The following NIBAN1 variants were observed in gnomAD, a reference collection of about 807,000 sequenced individuals.
The protein encoded by NIBAN1 is niban apoptosis regulator 1.
NIBAN1 carries 81 observed loss-of-function variants against 75.1 expected under a neutral mutation model. The ratio of observed to expected loss-of-function variants is 1.08; its 90% CI spans 0.90 to 1.30. The LOEUF (loss-of-function observed/expected upper bound fraction) is 1.30. Ranked by LOEUF, NIBAN1 falls within the 50% of genes most tolerant of loss-of-function variation. The pLI is 0.00. For missense variants in NIBAN1, 1,133 were observed against 1,128.1 expected, an observed-to-expected ratio of 1.00 and a Z score of -0.06; for synonymous variants, 436 against 424.8, an observed-to-expected ratio of 1.03 and a Z score of -0.32.
chr1:184,878,130 T>A (rs1254048869), intron 5 of NIBAN1, among the ~76,000 whole-genome samples: 8 of 152,156 alleles, frequency 5.3e-5, no homozygotes, highest in Admixed American at 5.2e-4. Flanking sequence ...TTAAATGTAG[T>A]TCTTGGCAAC....
chr1:184,948,372 A>G (rs1197421987), intron 1 of NIBAN1, among the ~76,000 whole-genome samples: 2 of 152,236 alleles, frequency 1.3e-5, no homozygotes, highest in Non-Finnish European at 2.9e-5. Flanking sequence ...AAAATGAATA[A>G]GATAAAACTT....
At chr1:184,843,923 G>A (rs1047541949) in intron 5 of NIBAN1, among the ~76,000 whole-genome samples, 22 of 152,178 alleles carry the variant, frequency 1.4e-4, no homozygotes, top group African/African-American at 4.3e-4. Flanking sequence ...ACTGGGTCAC[G>A]TGCCTCTCAG....
chr1:184,910,843 G>C (rs2102004550), intron 1 of NIBAN1, among the ~76,000 whole-genome samples: 1 of 152,242 alleles, frequency 6.6e-6, no homozygotes, highest in South Asian at 2.1e-4. Flanking sequence ...AAAAGCCTGA[G>C]TAAGACGAAA....
At chr1:184,947,634 T>A (rs1041863314) in intron 1 of NIBAN1, among the ~76,000 whole-genome samples, 3 of 152,170 alleles carry the variant, frequency 2.0e-5, no homozygotes, top group African/African-American at 7.2e-5. Flanking sequence ...GAACCCCCCT[T>A]CCTATACAGA....
At chr1:184,837,214 A>G (rs922580898) in intron 5 of NIBAN1, among the ~76,000 whole-genome samples, 5 of 152,192 alleles carry the variant, frequency 3.3e-5, no homozygotes, top group Non-Finnish European at 5.9e-5. Flanking sequence ...GCAAATTGAG[A>G]GTTTCGTTCT....
chr1:184,884,613 A>T lies in NIBAN1; in HGVS notation c.601+20T>A, dbSNP rs1181584438. ...TGCCCCACTTCCCGCCCCGGGGATG[A>T]GAGGGGAGCCGCGCCATACCATGAT... is the stretch of plus-strand genomic sequence containing the variant. On this transcript the variant is annotated intron_variant, in intron 5 of 13. Transcript: ENST00000367511. 2 of 1,612,518 alleles carry T rather than the reference A, an allele frequency of 1.2e-6. No individual in the cohort carries two copies. Among genetic ancestry groups the T allele is most frequent in the Non-Finnish European group, 1.7e-6 (2 of 1,178,820 alleles).
rs770285904 is a variant in NIBAN1, at chr1:184,823,341, A to G, written c.823-12T>C. On this transcript the variant is annotated splice_polypyrimidine_tract_variant and intron_variant, in intron 7 of 13. Coordinates refer to ENST00000367511, the MANE Select transcript of NIBAN1 (RefSeq NM_052966.4). ...GCCTCCTCGAGGAGCTGCAACAAGG[A>G]ATAACACATAAATCAGGGCTCTGTC... The G allele has an allele frequency of 1.5e-5, 24 of 1,613,762 alleles. No individual in the cohort carries two copies. The highest frequency in any genetic ancestry group is 2.0e-5 in the Non-Finnish European group (24 of 1,179,842).
At chr1:184,870,258 A>C (rs912214665) in intron 5 of NIBAN1, among the ~76,000 whole-genome samples, 5 of 152,236 alleles carry the variant, frequency 3.3e-5, no homozygotes, top group African/African-American at 1.2e-4. Flanking sequence ...CAGAGCTAAG[A>C]GCTAATCCTT....
intron 1 of NIBAN1, among the ~76,000 whole-genome samples, chr1:184,936,210 C>T (rs1657956490): frequency 6.6e-6 from 1 of 152,026 alleles, no homozygotes; most frequent in African/African-American, 2.4e-5. Context: ...TCTGCTTGGA[C>T]TATGATAGAT....
intron 1 of NIBAN1, among the ~76,000 whole-genome samples, chr1:184,952,753 A>G (rs2102066167): frequency 6.6e-6 from 1 of 152,262 alleles, no homozygotes; most frequent in African/African-American, 2.4e-5. Flanking sequence ...TTTTTTTGAA[A>G]AGACTTAATC....
rs1348383813 is a variant in NIBAN1, at chr1:184,795,932, C to T, written c.1832G>A (p.Ser611Asn). 32 of 1,614,102 alleles carry T rather than the reference C, an allele frequency of 2.0e-5. No individual in the cohort carries two copies. The highest frequency in any genetic ancestry group is 2.7e-5 in the Non-Finnish European group (32 of 1,180,040). Residue 611 changes from serine (S) to asparagine (N), a missense_variant, in exon 14 of 14, where the codon AGT becomes AAT. Ser to Asn is a conservative substitution (Grantham distance 46, BLOSUM62 1). Transcript: ENST00000367511. ...GAATACTTCGTTACTGAGGGTCTCACTACCCAGAACTCCTGGCAGAATGGC... is the reference window on the plus strand; with the variant it reads ...GAATACTTCGTTACTGAGGGTCTCATTACCCAGAACTCCTGGCAGAATGGC... ...ASAILPGVLG[S>N]ETLSNEVFQE...
intron 12 of NIBAN1, among the ~76,000 whole-genome samples, chr1:184,800,807 T>C (rs1654017708): frequency 6.6e-6 from 1 of 152,202 alleles, no homozygotes; most frequent in Non-Finnish European, 1.5e-5. Flanking sequence ...GTGAAGTTGT[T>C]GGGTCATAGG....
intron 1 of NIBAN1, among the ~76,000 whole-genome samples, chr1:184,932,053 A>G (rs905430149): frequency 7.9e-5 from 12 of 152,174 alleles, no homozygotes; most frequent in Non-Finnish European, 1.0e-4. Flanking sequence ...GCATCTAATT[A>G]TAAAACGAGT....
intron 9 of NIBAN1, among the ~76,000 whole-genome samples, chr1:184,818,222 G>A (rs1654592345): frequency 6.6e-6 from 1 of 152,000 alleles, no homozygotes; most frequent in South Asian, 2.1e-4. Context: ...ATACTTGTAT[G>A]AATAAATAAA....
chr1:184,872,298 G>A (rs2102289530), intron 5 of NIBAN1, among the ~76,000 whole-genome samples: 1 of 151,850 alleles, frequency 6.6e-6, no homozygotes, highest in East Asian at 1.9e-4. Flanking sequence ...CGTAGATAAG[G>A]TTAGTAATGG....
At chr1:184,957,647 T>C (rs571875351) in intron 1 of NIBAN1, among the ~76,000 whole-genome samples, 20 of 152,328 alleles carry the variant, frequency 1.3e-4, no homozygotes, top group Admixed American at 1.2e-3. Context: ...GTGAGAATTA[T>C]ATCACATTTA....
intron 9 of NIBAN1, 26 bp downstream of exon 9, chr1:184,818,612 C>G (rs147651682): frequency 6.5e-7 from 1 of 1,542,900 alleles, no homozygotes; most frequent in East Asian, 2.3e-5. Context: ...ACCATTCACA[C>G]CCAGCTCCTC....
chr1:184,823,533 C>T, intron 7 of NIBAN1, 105 bp downstream of exon 7: 1 of 1,344,700 alleles, frequency 7.4e-7, no homozygotes, highest in African/African-American at 1.4e-5. Flanking sequence ...CATTTCTACA[C>T]CCAGGGAAGG....
chr1:184,879,662 A>G (rs1464537962), intron 5 of NIBAN1, among the ~76,000 whole-genome samples: 1 of 152,208 alleles, frequency 6.6e-6, no homozygotes, highest in Non-Finnish European at 1.5e-5. Context: ...TGTTGTTCTA[A>G]ATTTCAATTT....
Sources: gnomAD v4.1 joint callset for allele counts (sites outside exome capture counted in the v4.1 genomes callset) on GRCh38, gnomAD v4.1.1 for gene constraint, MANE v1.5 for transcripts, NCBI Gene and HGNC (gene_info 2026-07-23, HGNC 2026-07-21) for gene names.